TSC22D3: variants seen among roughly 807,000 people sequenced by gnomAD.
The protein encoded by TSC22D3 is TSC22 domain family protein 3.
A neutral mutation model predicts 11.1 loss-of-function variants in TSC22D3; 4 were observed. The observed-to-expected ratio is 0.36, with a 90% CI of 0.18 to 0.83. The LOEUF (loss-of-function observed/expected upper bound fraction) is 0.83, where lower values mean the gene tolerates loss of function less well. Ranked by LOEUF, TSC22D3 falls within the 40% of genes least tolerant of loss-of-function variation. The pLI, the probability that TSC22D3 is intolerant of heterozygous loss-of-function variation, is 0.48. For missense variants in TSC22D3, 118 were observed against 159.4 expected, an observed-to-expected ratio of 0.74 and a Z score of 1.40; for synonymous variants, 77 against 70.3, an observed-to-expected ratio of 1.10 and a Z score of -0.48.
chrX:107,716,984 C>G, intron 1 of TSC22D3: 5 of 1,046,336 alleles, frequency 4.8e-6, no homozygotes, highest in Non-Finnish European at 6.1e-6. Context: ...GGCGCTCCAG[C>G]TGGAGTTGAA....
At chrX:107,756,469 C>G (rs1017314566) in intron 1 of TSC22D3, among the ~76,000 whole-genome samples, 1 of 112,623 alleles carries the variant, frequency 8.9e-6, no homozygotes, top group Non-Finnish European at 1.9e-5. Context: ...TGTATGTTTA[C>G]CACATTTGGG....
intron 1 of TSC22D3, among the ~76,000 whole-genome samples, chrX:107,737,734 T>C: frequency 8.9e-6 from 1 of 112,115 alleles, no homozygotes; most frequent in Non-Finnish European, 1.9e-5. Flanking sequence ...GCCCCTACTT[T>C]GTGTCAGACA....
intron 1 of TSC22D3, chrX:107,716,303 A>C (rs1419712649): frequency 1.1e-6 from 1 of 924,958 alleles, no homozygotes; most frequent in African/African-American, 2.1e-5. Context: ...ACAAGGTCCC[A>C]GGCAAACCTA....
intron 1 of TSC22D3, among the ~76,000 whole-genome samples, chrX:107,750,772 C>T (rs1257604186): frequency 9.0e-6 from 1 of 111,252 alleles, no homozygotes; most frequent in Non-Finnish European, 1.9e-5. Context: ...GGTATGTATG[C>T]CCAAGACTTT....
chrX:107,759,709 T>C (rs921364695), intron 1 of TSC22D3, among the ~76,000 whole-genome samples: 1 of 112,741 alleles, frequency 8.9e-6, no homozygotes, highest in African/African-American at 3.2e-5. Context: ...CAAGCCTTGA[T>C]TACCTGGCTG....
chrX:107,749,862 T>A (rs1360648005), intron 1 of TSC22D3, among the ~76,000 whole-genome samples: 1 of 111,624 alleles, frequency 9.0e-6, no homozygotes, highest in Non-Finnish European at 1.9e-5. Context: ...AGGGAGAGAA[T>A]GCTATACAAA....
chrX:107,770,558 C>T (rs1371155676), intron 1 of TSC22D3, among the ~76,000 whole-genome samples: 1 of 111,305 alleles, frequency 9.0e-6, no homozygotes, highest in African/African-American at 3.3e-5. Flanking sequence ...ATATGGGAAC[C>T]AGTTGGGGCC....
Position 107,726,705 on chromosome X carries a change from A to G in TSC22D3, c.321-10755T>C, listed in dbSNP as rs1927644019. On this transcript the variant is annotated intron_variant, in intron 1 of 2. Transcript: ENST00000372383. ...TCTTCGTACCACCAAGCAAAGACAG[A>G]AGTGCCCAGGTCTCTGTGGGTGGGG... Among the ~76,000 whole-genome samples the G allele has an allele frequency of 2.7e-5, 3 of 111,140 alleles. No homozygotes were observed. The Admixed American group carries it at 2.9e-4, about 11-fold the overall frequency.
intron 1 of TSC22D3, chrX:107,716,565 C>T (rs1280846845): frequency 1.0e-4 from 80 of 781,592 alleles, no homozygotes; most frequent in Non-Finnish European, 1.2e-4. Flanking sequence ...CCCGCCCCTT[C>T]CCAGGATGCT....
intron 1 of TSC22D3, among the ~76,000 whole-genome samples, chrX:107,725,663 A>G (rs777995656): frequency 2.7e-5 from 3 of 111,445 alleles, no homozygotes; most frequent in Non-Finnish European, 3.8e-5. Context: ...GAGATCTACT[A>G]TGAGAGAGAT....
chrX:107,744,849 G>A (rs1175140022), intron 1 of TSC22D3, among the ~76,000 whole-genome samples: 1 of 111,987 alleles, frequency 8.9e-6, no homozygotes, highest in Non-Finnish European at 1.9e-5. Context: ...TTGACCCAAA[G>A]CTTCTGAAGG....
intron 1 of TSC22D3, among the ~76,000 whole-genome samples, chrX:107,763,489 G>A (rs1929533274): frequency 1.8e-5 from 2 of 111,034 alleles, no homozygotes; most frequent in South Asian, 7.6e-4. Context: ...GTCCTTCCCA[G>A]AAGAAAGTCT....
At chrX:107,721,681 C>T (rs769189630) in intron 1 of TSC22D3, among the ~76,000 whole-genome samples, 10 of 111,602 alleles carry the variant, frequency 9.0e-5, no homozygotes, top group South Asian at 3.8e-4. Flanking sequence ...GCGAGAGGTG[C>T]GGGAGAAGCC....
chrX:107,719,500 T>C (rs1349320746), intron 1 of TSC22D3, among the ~76,000 whole-genome samples: 3 of 112,436 alleles, frequency 2.7e-5, no homozygotes, highest in African/African-American at 9.7e-5. Flanking sequence ...GTTTAGGCAC[T>C]GTCACTATCA....
intron 1 of TSC22D3, among the ~76,000 whole-genome samples, chrX:107,750,494 G>A (rs1008992859): frequency 9.0e-6 from 1 of 111,532 alleles, no homozygotes; most frequent in Non-Finnish European, 1.9e-5. Context: ...GCAAAGCGAG[G>A]ACGGCGAGCA....
At chrX:107,715,267 G>T (rs925080442) in intron 2 of TSC22D3, among the ~76,000 whole-genome samples, 4 of 112,288 alleles carry the variant, frequency 3.6e-5, no homozygotes, top group Admixed American at 1.9e-4. Flanking sequence ...CTGTCCTGCA[G>T]CCGGCCAGTT....
At chrX:107,755,922 G>C (rs1929155183) in intron 1 of TSC22D3, among the ~76,000 whole-genome samples, 1 of 112,119 alleles carries the variant, frequency 8.9e-6, no homozygotes, top group Admixed American at 9.5e-5. Flanking sequence ...GAACGTGGTA[G>C]AGACAGTGCT....
chrX:107,773,755 A>G (rs1930011231), intron 1 of TSC22D3, among the ~76,000 whole-genome samples: 1 of 111,678 alleles, frequency 9.0e-6, no homozygotes, highest in African/African-American at 3.3e-5. Context: ...TGTCTTGCCC[A>G]GAATCACTGG....
chrX:107,731,195 TGTTC>T (rs1927864852), intron 1 of TSC22D3, among the ~76,000 whole-genome samples: 1 of 112,299 alleles, frequency 8.9e-6, no homozygotes, highest in Admixed American at 9.4e-5. Flanking sequence ...TTATCAGTGA[TGTTC>T]AAATCTTGCC....
Sources: allele counts gnomAD v4.1 joint callset (sites outside exome capture counted in the v4.1 genomes callset), GRCh38; gene constraint gnomAD v4.1.1; transcripts MANE v1.5; gene names NCBI Gene and HGNC (gene_info 2026-07-23, HGNC 2026-07-21).